Variants in DHX33 observed in about 807,000 individuals in gnomAD.
The protein encoded by DHX33 is ATP-dependent RNA helicase DHX33.
DHX33 carries 42 observed loss-of-function variants against 72.5 expected under a neutral mutation model. That is an observed-to-expected ratio of 0.58 (90% CI 0.45 to 0.75). DHX33 has a LOEUF of 0.75. Among genes scored for constraint, DHX33 ranks in the 30% least tolerant of loss-of-function variants. DHX33 has a pLI of 0.00. For missense variants in DHX33, 842 were observed against 917.5 expected, an observed-to-expected ratio of 0.92 and a Z score of 1.06; for synonymous variants, 358 against 366.1, an observed-to-expected ratio of 0.98 and a Z score of 0.25.
At chr17:5,450,584 C>A (rs968173765) in intron 9 of DHX33, among the ~76,000 whole-genome samples, 178 bp from the exon 10 acceptor site, 3 of 152,186 alleles carry the variant, frequency 2.0e-5, no homozygotes, top group African/African-American at 7.2e-5. Context: ...AAACAGGTGA[C>A]TGCCTTCCCT....
chr17:5,460,113 C>T (rs140681736), intron 4 of DHX33, among the ~76,000 whole-genome samples: 3 of 150,346 alleles, frequency 2.0e-5, no homozygotes, highest in Non-Finnish European at 4.4e-5. Context: ...CACCTGGGTT[C>T]GCGCCATTCT....
At chr17:5,456,453 C>G (rs1249623501) in intron 4 of DHX33, among the ~76,000 whole-genome samples, 2 of 152,098 alleles carry the variant, frequency 1.3e-5, no homozygotes, top group Non-Finnish European at 2.9e-5. Context: ...TTGTGACCAG[C>G]CTGGGCAACG....
At position 5,450,243 on chromosome 17, in the gene DHX33, A is replaced by C. The variant is rs1916835760; in HGVS notation, c.1688T>G (p.Leu563Arg). The C allele has an allele frequency of 6.2e-7, 1 of 1,614,074 alleles. No individual in the cohort carries two copies. The highest frequency in any genetic ancestry group is 1.7e-5 in the Admixed American group (1 of 60,002). The change falls in exon 10 of 12, where the codon CTC (leucine) becomes CGC (arginine). Residue 563 changes from leucine to arginine, a missense_variant. Leu to Arg is a moderately radical substitution (Grantham distance 102, BLOSUM62 -2). Transcript: ENST00000225296. ...GTTTTTGAAGGTCCGATAGATATTG[A>C]GCAGGGTCATGTGATCCCCCTCGCT... ...ISSEGDHMTL[L>R]NIYRTFKNLG... is the part of the protein sequence containing the mutation.
rs767716278 is a variant in DHX33 at position 5,468,903 on chromosome 17, C to G, written c.-44G>C. The G allele has an allele frequency of 3.2e-6, 5 of 1,547,160 alleles. No individual in the cohort carries two copies. In the South Asian group the frequency reaches 6.0e-5, roughly 18 times the overall value. ...CGGGAGGCGCAAGCGCCGAGAGCTC[C>G]TGCCCCCTCTCAGGTGCAGACAACA... On this transcript the variant is annotated 5_prime_UTR_variant, in exon 1 of 12. Coordinates refer to ENST00000225296, the MANE Select transcript of DHX33 (RefSeq NM_020162.4).
In DHX33 at chr17:5,462,522, C is replaced by A. The variant is rs867199316; in HGVS notation, c.475G>T (p.Asp159Tyr). The change falls in exon 3 of 12, where the codon GAT becomes TAT. Residue 159 changes from aspartate (D) to tyrosine (Y), a missense_variant. By Grantham distance (160) the Asp-to-Tyr change is radical. Coordinates refer to ENST00000225296, the MANE Select transcript of DHX33 (RefSeq NM_020162.4). ...ATCCTGGTGTCTTCTGAGGTGACAT[C>A]ATCAAAGCGCACTGTATAGCCAACC... ...KLVGYTVRFD[D>Y]VTSEDTRIKF... The A allele has an allele frequency of 6.2e-7, 1 of 1,614,108 alleles. No individual in the cohort carries two copies. Among genetic ancestry groups the A allele is most frequent in the Middle Eastern group, 1.7e-4 (1 of 6,060 alleles).
chr17:5,450,319 G>T lies in DHX33; in HGVS notation c.1612C>A (p.Pro538Thr). Reference sequence around the variant, plus strand: ...TGCACTTCCTCTCGCCGGGAAGGAGGGTTGTGGAGGACGCTGTCCACAGAC... The same window carrying T: ...TGCACTTCCTCTCGCCGGGAAGGAGTGTTGTGGAGGACGCTGTCCACAGAC... ...LLSVDSVLHNPPSRREEVQGV... is the reference protein window; with the variant it reads ...LLSVDSVLHNTPSRREEVQGV... The change falls in exon 10 of 12, where the codon CCT becomes ACT. Residue 538 changes from proline (P) to threonine (T), a missense_variant. Pro to Thr is a conservative substitution (Grantham distance 38). Coordinates refer to ENST00000225296, the MANE Select transcript of DHX33 (RefSeq NM_020162.4). The T allele has an allele frequency of 6.2e-7, 1 of 1,614,150 alleles. No homozygotes were observed. Among genetic ancestry groups the T allele is most frequent in the Non-Finnish European group, 8.5e-7 (1 of 1,180,034 alleles).
Position 5,468,914 on chromosome 17 carries a change from CA to C in DHX33, c.-56del. ...AGCGCCGAGAGCTCCTGCCCCCTCTCAGGTGCAGACAACAGGAGCACACCGC... is the reference window on the plus strand; with the variant it reads ...AGCGCCGAGAGCTCCTGCCCCCTCTCGGTGCAGACAACAGGAGCACACCGC... On this transcript the variant is annotated 5_prime_UTR_variant, in exon 1 of 12. Transcript: ENST00000225296. The C allele has an allele frequency of 1.3e-6, 2 of 1,542,010 alleles. No individual in the cohort carries two copies. The highest frequency in any genetic ancestry group is 1.8e-6 in the Non-Finnish European group (2 of 1,142,272).
At chr17:5,461,606 C>CAAA (rs564057463) in intron 3 of DHX33, among the ~76,000 whole-genome samples, 4 of 137,398 alleles carry the variant, frequency 2.9e-5, no homozygotes, top group Admixed American at 1.5e-4. Context: ...TAACAGAGTG[C>CAAA]AAAAAAAAAA....
At chr17:5,461,225 C>T in intron 3 of DHX33, 116 bp from the exon 4 acceptor site, 1 of 1,115,096 alleles carries the variant, frequency 9.0e-7, no homozygotes, top group Non-Finnish European at 1.3e-6. Context: ...TCACAGTTTA[C>T]TTTCTTCCAA....
At chr17:5,452,373 T>G (rs1398451532) in intron 8 of DHX33, among the ~76,000 whole-genome samples, 1 of 151,992 alleles carries the variant, frequency 6.6e-6, no homozygotes, top group Middle Eastern at 3.2e-3. Flanking sequence ...ACTCCATCTA[T>G]ACTAAAAAAT....
intron 11 of DHX33, among the ~76,000 whole-genome samples, chr17:5,446,286 T>C (rs1916656459): frequency 6.6e-6 from 1 of 152,204 alleles, no homozygotes; most frequent in Non-Finnish European, 1.5e-5. Flanking sequence ...GCCTGGAAGA[T>C]ACTCTTTTAT....
chr17:5,447,734 C>T (rs1314285776), intron 11 of DHX33, among the ~76,000 whole-genome samples: 3 of 152,194 alleles, frequency 2.0e-5, no homozygotes, highest in African/African-American at 4.8e-5. Context: ...ACAGCACATA[C>T]GGAGGATGGT....
chr17:5,444,762 G>T lies in DHX33; in HGVS notation c.1816-249C>A, dbSNP rs1335227220. On this transcript the variant is annotated intron_variant, in intron 11 of 11. Coordinates refer to ENST00000225296, the MANE Select transcript of DHX33 (RefSeq NM_020162.4). The surrounding 1 kb of genome is among the most constrained non-coding windows in gnomAD (Gnocchi z 4.9). ...CTGTGAAGGTAGGGCTGGGAGGGAGGTGCTCACATTAGCCACCAGACCACA... is the reference window on the plus strand; with the variant it reads ...CTGTGAAGGTAGGGCTGGGAGGGAGTTGCTCACATTAGCCACCAGACCACA... Among the ~76,000 whole-genome samples the T allele has an allele frequency of 6.6e-6, 1 of 152,156 alleles. No homozygotes were observed. The highest frequency in any genetic ancestry group is 6.5e-5 in the Admixed American group (1 of 15,280).
chr17:5,465,977 A>T (rs898839821), intron 1 of DHX33, among the ~76,000 whole-genome samples: 1 of 152,106 alleles, frequency 6.6e-6, no homozygotes, highest in Admixed American at 6.6e-5. Flanking sequence ...CCAGCCCTGC[A>T]TCTAGCCCTT....
chr17:5,459,775 G>A (rs1251689152), intron 4 of DHX33, among the ~76,000 whole-genome samples: 1 of 152,002 alleles, frequency 6.6e-6, no homozygotes, highest in African/African-American at 2.4e-5. Context: ...TACCCTACAT[G>A]TAGTAAAAGA....
intron 1 of DHX33, 27 bp from the exon 2 acceptor site, chr17:5,463,716 A>G: frequency 6.7e-6 from 10 of 1,494,016 alleles, no homozygotes; most frequent in Non-Finnish European, 6.3e-6. Context: ...AAAAAAAAAA[A>G]GGCTCACTGA....
At chr17:5,450,009 G>C (rs1048164865) in intron 10 of DHX33, among the ~76,000 whole-genome samples, 194 bp downstream of exon 10, 9 of 152,142 alleles carry the variant, frequency 5.9e-5, no homozygotes, top group African/African-American at 1.9e-4. Flanking sequence ...AACACATTCG[G>C]AACAGAGACC....
chr17:5,465,180 T>C (rs1567604670), intron 1 of DHX33, among the ~76,000 whole-genome samples: 1 of 152,208 alleles, frequency 6.6e-6, no homozygotes, highest in Non-Finnish European at 1.5e-5. Flanking sequence ...TCAGTAAACC[T>C]GCGCTTCCTT....
At position 5,444,286 on chromosome 17, in the gene DHX33, G is replaced by T. The variant is rs143738273; in HGVS notation, c.2043C>A (p.Asp681Glu). The T allele has an allele frequency of 2.4e-4, 380 of 1,614,218 alleles. 7 individuals carry two copies. In the African/African-American group the frequency reaches 3.7e-3, roughly 16 times the overall value. Residue 681 changes from aspartate (D) to glutamate (E), a missense_variant, in exon 12 of 12, where the codon GAC becomes GAA. Transcript: ENST00000225296. This position sits in a 1 kb window ranked among gnomAD's most constrained non-coding sequence, Gnocchi z 4.9. ...GCCACTGTGCATCTATGACGCAGAGGTCCCGCATGTAGCACTTGTTGGTGT... is the reference window on the plus strand; with the variant it reads ...GCCACTGTGCATCTATGACGCAGAGTTCCCGCATGTAGCACTTGTTGGTGT... Reference protein sequence around the residue: ...LLYTNKCYMRDLCVIDAQWLY... With the variant: ...LLYTNKCYMRELCVIDAQWLY...
Sources: allele counts gnomAD v4.1 joint callset (sites outside exome capture counted in the v4.1 genomes callset), GRCh38; gene constraint gnomAD v4.1.1; non-coding constraint Gnocchi (gnomAD v3.1); transcripts MANE v1.5; gene names NCBI Gene and HGNC (gene_info 2026-07-23, HGNC 2026-07-21).